The following PLD5 variants were observed in gnomAD, a reference collection of about 807,000 sequenced individuals.
The protein encoded by PLD5 is inactive phospholipase D5.
PLD5 carries 36 observed loss-of-function variants against 61.1 expected under a neutral mutation model. The observed-to-expected ratio is 0.59, with a 90% CI of 0.45 to 0.78. PLD5 has a LOEUF of 0.78. Ranked by LOEUF, PLD5 falls within the 30% of genes least tolerant of loss-of-function variation. The pLI is 0.00. For missense variants in PLD5, 515 were observed against 644.4 expected, an observed-to-expected ratio of 0.80 and a Z score of 2.17; for synonymous variants, 243 against 242.8, an observed-to-expected ratio of 1.00 and a Z score of -0.01.
chr1:242,225,832 G>A (rs1278775687), intron 4 of PLD5, among the ~76,000 whole-genome samples: 2 of 152,196 alleles, frequency 1.3e-5, no homozygotes, highest in African/African-American at 2.4e-5. Context: ...TAAAGCTGCC[G>A]CAAACACTCA....
intron 2 of PLD5, among the ~76,000 whole-genome samples, chr1:242,339,905 G>A (rs1381870543): frequency 6.6e-6 from 1 of 152,194 alleles, no homozygotes; most frequent in Non-Finnish European, 1.5e-5. Flanking sequence ...AACTGGAAAA[G>A]AGAGGGAGCC....
Position 242,253,354 on chromosome 1 carries a change from C to T in PLD5, c.607+11983G>A, listed in dbSNP as rs566866596. On this transcript the variant is annotated intron_variant, in intron 4 of 9. Transcript: ENST00000536534. The stretch of plus-strand genomic sequence containing the variant: ...TTAAGACGGAGTCTCGCTCTGTCGC[C>T]CAGGCTGGAGTGCAGTGGCGCGATC... Among the ~76,000 whole-genome samples, 753 of 146,882 alleles carry T rather than the reference C, an allele frequency of 5.1e-3. 4 individuals carry two copies. Among genetic ancestry groups the T allele is most frequent in the Non-Finnish European group, 8.5e-3 (571 of 66,888 alleles).
intron 2 of PLD5, among the ~76,000 whole-genome samples, chr1:242,317,680 T>A (rs1208950562): frequency 6.6e-6 from 1 of 151,470 alleles, no homozygotes; most frequent in Non-Finnish European, 1.5e-5. Flanking sequence ...ATGAACTAGG[T>A]CAGAAGGTAG....
intron 1 of PLD5, among the ~76,000 whole-genome samples, chr1:242,444,754 TATATA>T (rs1252707120): frequency 4.4e-5 from 6 of 135,052 alleles, no homozygotes; most frequent in South Asian, 2.2e-4. Flanking sequence ...GTAGGCTATA[TATATA>T]ATATATATTT....
chr1:242,103,303 G>A (rs1660821550), intron 8 of PLD5, among the ~76,000 whole-genome samples: 1 of 152,180 alleles, frequency 6.6e-6, no homozygotes, highest in Non-Finnish European at 1.5e-5. Context: ...TTGGACTCAG[G>A]CACTGTCCTG....
chr1:242,155,328 G>C (rs999642553), intron 5 of PLD5, among the ~76,000 whole-genome samples: 5 of 152,110 alleles, frequency 3.3e-5, no homozygotes, highest in Admixed American at 6.5e-5. Flanking sequence ...TATTTGAAGA[G>C]TTTTTCGTGT....
chr1:242,329,411 T>C (rs1045529627), intron 2 of PLD5, among the ~76,000 whole-genome samples: 4 of 152,154 alleles, frequency 2.6e-5, no homozygotes, highest in Admixed American at 2.0e-4. Flanking sequence ...CTATGTTCTT[T>C]TCAGCTACCA....
chr1:242,407,561 G>GTTT (rs58679212), intron 1 of PLD5, among the ~76,000 whole-genome samples: 6 of 130,324 alleles, frequency 4.6e-5, no homozygotes, highest in Admixed American at 1.5e-4. Flanking sequence ...TGGTTGTTTT[G>GTTT]TTTTTTTTTT....
chr1:242,173,064 C>A (rs1476852192), intron 5 of PLD5, among the ~76,000 whole-genome samples: 1 of 152,028 alleles, frequency 6.6e-6, no homozygotes, highest in African/African-American at 2.4e-5. Flanking sequence ...GGCAATCAGG[C>A]AGGAGAAAGA....
At position 242,504,774 on chromosome 1, in the gene PLD5, T is replaced by TA. The variant is rs550586822; in HGVS notation, c.189+19313dup. On this transcript the variant is annotated intron_variant, in intron 1 of 9. Coordinates refer to ENST00000536534, the MANE Select transcript of PLD5 (RefSeq NM_001372062.1). Reference sequence around the variant, plus strand: ...CATGATTTTCCCAAATATTTTTTTTTAAAAAAACTAATTTTTCTTATTATT... The same window carrying TA: ...CATGATTTTCCCAAATATTTTTTTTTAAAAAAAACTAATTTTTCTTATTATT... Among the ~76,000 whole-genome samples the TA allele has an allele frequency of 3.5e-4, 53 of 152,260 alleles. No homozygotes were observed. In the East Asian group the frequency reaches 8.7e-3, roughly 25 times the overall value.
intron 6 of PLD5, among the ~76,000 whole-genome samples, chr1:242,114,815 G>A (rs1239158875): frequency 6.6e-6 from 1 of 152,084 alleles, no homozygotes; most frequent in Non-Finnish European, 1.5e-5. Context: ...GCTCAGGGCT[G>A]TCACTAATTC....
rs868473096 is a variant in PLD5, at chr1:242,357,252, T to C, written c.190-9010A>G. Among the ~76,000 whole-genome samples the C allele has an allele frequency of 4.6e-5, 7 of 151,454 alleles. No individual in the cohort carries two copies. The Middle Eastern group carries it at 0.014, about 294-fold the overall frequency. On this transcript the variant is annotated intron_variant, in intron 1 of 9. Transcript: ENST00000536534. Reference sequence around the variant, plus strand: ...TTTTCATTCAGCACTTTGAAAATACTATCCCACTGGCCTAGAGAGTTTCTG... The same window carrying C: ...TTTTCATTCAGCACTTTGAAAATACCATCCCACTGGCCTAGAGAGTTTCTG...
chr1:242,406,292 G>A (rs1432205962), intron 1 of PLD5, among the ~76,000 whole-genome samples: 1 of 152,172 alleles, frequency 6.6e-6, no homozygotes, highest in Non-Finnish European at 1.5e-5. Context: ...TACTATGCAA[G>A]GAATGAGAAA....
At chr1:242,302,829 CTTCTTA>C (rs1419148112) in intron 2 of PLD5, among the ~76,000 whole-genome samples, 1 of 152,108 alleles carries the variant, frequency 6.6e-6, no homozygotes, top group East Asian at 1.9e-4. Context: ...GTTTTTTCTT[CTTCTTA>C]ATCTGCCTTT....
At chr1:242,291,561 C>T (rs1425047603) in intron 2 of PLD5, among the ~76,000 whole-genome samples, 1 of 152,102 alleles carries the variant, frequency 6.6e-6, no homozygotes, top group Non-Finnish European at 1.5e-5. Flanking sequence ...AATCCCAGCA[C>T]TTTGGGAGGC....
chr1:242,487,318 CAAATAAAACTACCAA>C (rs1357477945), intron 1 of PLD5, among the ~76,000 whole-genome samples: 4 of 152,032 alleles, frequency 2.6e-5, no homozygotes, highest in Non-Finnish European at 5.9e-5. Context: ...ACTCCACATG[CAAATAAAACTACCAA>C]AAAACAAATA....
chr1:242,239,333 T>C (rs1671842764), intron 4 of PLD5, among the ~76,000 whole-genome samples: 1 of 152,144 alleles, frequency 6.6e-6, no homozygotes, highest in African/African-American at 2.4e-5. Flanking sequence ...AAGCCTATAA[T>C]TCTAAAAAGA....
rs776375828 is a variant in PLD5, at chr1:242,113,976, G to T, written c.984C>A (p.Ala328=). ...CPKNRSFDID[A]IYSVIDDAKQ... Reference sequence around the variant, plus strand: ...TGGCATCATCTATCACACTGTAGATGGCATCTATGTCAAAACTTCTGTTTT... The same window carrying T: ...TGGCATCATCTATCACACTGTAGATTGCATCTATGTCAAAACTTCTGTTTT... Residue 328 remains alanine, a synonymous_variant, in exon 7 of 10, where the codon GCC becomes GCA. Coordinates refer to ENST00000536534, the MANE Select transcript of PLD5 (RefSeq NM_001372062.1). The T allele has an allele frequency of 3.1e-6, 5 of 1,614,030 alleles. No homozygotes were observed. Among genetic ancestry groups the T allele is most frequent in the South Asian group, 2.2e-5 (2 of 91,062 alleles).
At chr1:242,440,068 A>T (rs1199077389) in intron 1 of PLD5, among the ~76,000 whole-genome samples, 1 of 152,222 alleles carries the variant, frequency 6.6e-6, no homozygotes, top group Non-Finnish European at 1.5e-5. Context: ...AACACTTAAC[A>T]CATAGAATAG....
Sources: gnomAD v4.1 joint callset for allele counts (sites outside exome capture counted in the v4.1 genomes callset) on GRCh38, gnomAD v4.1.1 for gene constraint, MANE v1.5 for transcripts, NCBI Gene and HGNC (gene_info 2026-07-23, HGNC 2026-07-21) for gene names.